KCNIP4: variants seen among roughly 807,000 people sequenced by gnomAD.
KCNIP4 encodes Kv channel-interacting protein 4.
KCNIP4 carries 12 observed loss-of-function variants against 34.0 expected under a neutral mutation model. That is an observed-to-expected ratio of 0.35 (90% CI 0.23 to 0.57). KCNIP4 has a LOEUF of 0.57. Ranked by LOEUF, KCNIP4 falls within the 20% of genes least tolerant of loss-of-function variation. The pLI, the probability that KCNIP4 is intolerant of heterozygous loss-of-function variation, is 0.83. For missense variants in KCNIP4, 238 were observed against 311.7 expected (o/e 0.76, Z 1.78); for synonymous variants, 124 against 102.2 (o/e 1.21, Z -1.29).
intron 1 of KCNIP4, among the ~76,000 whole-genome samples, chr4:21,106,848 G>T (rs189724054): frequency 2.0e-5 from 3 of 151,368 alleles, no homozygotes; most frequent in Non-Finnish European, 4.4e-5. Flanking sequence ...CCTTCATTTC[G>T]TTATGTACCC....
chr4:21,653,688 T>C (rs1418148497), intron 1 of KCNIP4, among the ~76,000 whole-genome samples: 2 of 152,226 alleles, frequency 1.3e-5, no homozygotes, highest in African/African-American at 4.8e-5. Context: ...GGGCTGTGCA[T>C]AGCACTTTAC....
intron 1 of KCNIP4, among the ~76,000 whole-genome samples, chr4:20,969,481 G>A (rs896553860): frequency 2.0e-5 from 3 of 152,018 alleles, no homozygotes; most frequent in East Asian, 3.9e-4. Flanking sequence ...CCAAACCCCC[G>A]GTTACTCCTC....
intron 1 of KCNIP4, among the ~76,000 whole-genome samples, chr4:21,016,638 T>C (rs1739572803): frequency 6.6e-6 from 1 of 151,870 alleles, no homozygotes; most frequent in Admixed American, 6.6e-5. Flanking sequence ...GGATGGAGTC[T>C]CACTCACACG....
In KCNIP4 at chr4:20,862,264, C is replaced by T. The variant is rs112337898; in HGVS notation, c.164-11597G>A. Among the ~76,000 whole-genome samples, 1,319 of 152,168 alleles carry T rather than the reference C, an allele frequency of 8.7e-3. 14 individuals carry two copies. The highest frequency in any genetic ancestry group is 0.062 in the East Asian group (319 of 5,160). ...TCTGCCTCCCAAAGTGCTGGGATAA[C>T]AGACATCAGCCACTGCACCTGGATG... On this transcript the variant is annotated intron_variant, in intron 2 of 8. Transcript: ENST00000382152.
chr4:21,269,444 T>C (rs996066484), intron 1 of KCNIP4, among the ~76,000 whole-genome samples: 66 of 152,106 alleles, frequency 4.3e-4, no homozygotes, highest in African/African-American at 1.5e-3. Context: ...CTCAGTCCAA[T>C]GTCCAGGTTG....
At chr4:21,640,789 T>C (rs1403330037) in intron 1 of KCNIP4, among the ~76,000 whole-genome samples, 1 of 152,158 alleles carries the variant, frequency 6.6e-6, no homozygotes, top group Non-Finnish European at 1.5e-5. Flanking sequence ...GCAACAGGTC[T>C]AGGCTGCCAT....
chr4:21,299,879 C>T (rs1368832130), intron 1 of KCNIP4, among the ~76,000 whole-genome samples: 2 of 152,192 alleles, frequency 1.3e-5, no homozygotes, highest in African/African-American at 4.8e-5. Context: ...TTTGATTAAG[C>T]CTCTTGGGGG....
chr4:21,177,603 G>T (rs7676256), intron 1 of KCNIP4, among the ~76,000 whole-genome samples: 3,719 of 152,108 alleles, frequency 0.024, 140 homozygotes, highest in African/African-American at 0.083. Flanking sequence ...GCCGAGGCAG[G>T]CAGGTTACCT....
At chr4:21,199,320 C>A (rs1354677764) in intron 1 of KCNIP4, among the ~76,000 whole-genome samples, 3 of 152,120 alleles carry the variant, frequency 2.0e-5, no homozygotes, top group Non-Finnish European at 4.4e-5. Flanking sequence ...TCTCTGATGG[C>A]CAGTGATGAT....
intron 1 of KCNIP4, among the ~76,000 whole-genome samples, chr4:21,928,117 TA>T (rs1185916688): frequency 1.6e-5 from 2 of 123,942 alleles, no homozygotes; most frequent in African/African-American, 3.4e-5. Context: ...ACTATATATA[TA>T]TATATATATA....
intron 1 of KCNIP4, among the ~76,000 whole-genome samples, chr4:21,424,110 T>C (rs1299947940): frequency 6.7e-6 from 1 of 149,922 alleles, no homozygotes; most frequent in Non-Finnish European, 1.5e-5. Flanking sequence ...TGAGCCACCA[T>C]GCCAGGCCGA....
At chr4:21,620,591 TC>T in intron 1 of KCNIP4, among the ~76,000 whole-genome samples, 1 of 152,134 alleles carries the variant, frequency 6.6e-6, no homozygotes, top group South Asian at 2.1e-4. Flanking sequence ...TGTCCCCAAA[TC>T]CTGTTAACTG....
At position 21,371,222 on chromosome 4, in the gene KCNIP4, A is replaced by C. The variant is rs528968115; in HGVS notation, c.62-488513T>G. On this transcript the variant is annotated intron_variant, in intron 1 of 8. Coordinates refer to ENST00000382152, the MANE Select transcript of KCNIP4 (RefSeq NM_025221.6). Reference sequence around the variant, plus strand: ...TTTAGGTACAGGAATGAAATATTCCAATAAGTTTCACCAGGAAAGTGAAAC... The same window carrying C: ...TTTAGGTACAGGAATGAAATATTCCCATAAGTTTCACCAGGAAAGTGAAAC... 8.9e-5 allele frequency among the ~76,000 whole-genome samples: 13 copies of C among 146,186 alleles called. 2 individuals are homozygous for C. The highest frequency in any genetic ancestry group is 3.3e-4 in the African/African-American group (12 of 36,092).
chr4:21,218,697 T>A (rs540758599), intron 1 of KCNIP4, among the ~76,000 whole-genome samples: 1 of 152,284 alleles, frequency 6.6e-6, no homozygotes, highest in South Asian at 2.1e-4. Flanking sequence ...TTCACAGACA[T>A]CTCAAGGCCC....
At chr4:21,405,335 TCTTCCTTATTGTG>T (rs1723890536) in intron 1 of KCNIP4, among the ~76,000 whole-genome samples, 1 of 152,200 alleles carries the variant, frequency 6.6e-6, no homozygotes, top group African/African-American at 2.4e-5. Context: ...ATGAATAAAA[TCTTCCTTATTGTG>T]CATCCTTATT....
chr4:21,519,560 GTGTATATATACACATATGTGTGTGTA>G (rs1735215914), intron 1 of KCNIP4, among the ~76,000 whole-genome samples: 1 of 42,964 alleles, frequency 2.3e-5, no homozygotes, highest in African/African-American at 1.3e-4. Context: ...ATGTGTGTAT[GTGTATATATACACATATGTGTGTGTA>G]TGTATGTGTA....
At chr4:21,333,256 A>AT (rs561238682) in intron 1 of KCNIP4, among the ~76,000 whole-genome samples, 15 of 151,894 alleles carry the variant, frequency 9.9e-5, no homozygotes, top group African/African-American at 3.1e-4. Context: ...TAGAGTATAA[A>AT]TTTTTTTTAG....
intron 8 of KCNIP4, 125 bp from the exon 9 acceptor site, chr4:20,730,254 T>G (rs1262075798): frequency 8.1e-7 from 1 of 1,231,230 alleles, no homozygotes. Context: ...AGCTCAAATA[T>G]TAAGTGTTTG....
chr4:21,224,053 TG>T (rs1758177606), intron 1 of KCNIP4, among the ~76,000 whole-genome samples: 1 of 152,122 alleles, frequency 6.6e-6, no homozygotes, highest in African/African-American at 2.4e-5. Flanking sequence ...GGCCTACATC[TG>T]GATTCCCTCT....
Sources: gnomAD v4.1 joint callset for allele counts (sites outside exome capture counted in the v4.1 genomes callset) on GRCh38, gnomAD v4.1.1 for gene constraint, MANE v1.5 for transcripts, NCBI Gene and HGNC (gene_info 2026-07-23, HGNC 2026-07-21) for gene names.